The following TENM3 variants were observed in gnomAD, a reference collection of about 807,000 sequenced individuals.
The protein encoded by TENM3 is teneurin transmembrane protein 3.
In TENM3, 63 loss-of-function variants were observed where a neutral mutation model predicts 255.1. That is an observed-to-expected ratio of 0.25 (90% confidence interval 0.20 to 0.30). The LOEUF (loss-of-function observed/expected upper bound fraction) is 0.30, where lower values mean the gene tolerates loss of function less well. Ranked by LOEUF, TENM3 falls within the 10% of genes least tolerant of loss-of-function variation. The pLI, the probability that TENM3 is intolerant of heterozygous loss-of-function variation, is 1.00. For missense variants in TENM3, 2,929 were observed against 3,461.1 expected, an observed-to-expected ratio of 0.85 and a Z score of 3.86; for synonymous variants, 1,306 against 1,322.3, an observed-to-expected ratio of 0.99 and a Z score of 0.27.
chr4:182,300,933 G>A (rs1030239933), intron 1 of TENM3, among the ~76,000 whole-genome samples: 36 of 152,084 alleles, frequency 2.4e-4, no homozygotes, highest in African/African-American at 8.2e-4. Context: ...TCTTAGCCTG[G>A]CATTTCCAGC....
chr4:182,170,326 T>G (rs972126016), intron 1 of TENM3, among the ~76,000 whole-genome samples: 1 of 152,130 alleles, frequency 6.6e-6, no homozygotes, highest in Non-Finnish European at 1.5e-5. Context: ...GTAGTTATAT[T>G]TGTATAATAT....
At chr4:182,448,368 G>C (rs893767995) in intron 3 of TENM3, among the ~76,000 whole-genome samples, 3 of 152,156 alleles carry the variant, frequency 2.0e-5, no homozygotes, top group African/African-American at 7.2e-5. Flanking sequence ...TGGGGGCCCT[G>C]CGACCGACCC....
the TENM3 span, among the ~76,000 whole-genome samples, chr4:181,456,950 A>G: frequency 6.6e-6 from 1 of 151,834 alleles, no homozygotes; most frequent in Admixed American, 6.6e-5. Flanking sequence ...CTTTCACTGG[A>G]GTAATTTATT....
In TENM3 at chr4:182,652,662, G is replaced by A. The variant is rs576347927; in HGVS notation, c.989-1109G>A. Among the ~76,000 whole-genome samples the A allele has an allele frequency of 9.9e-5, 15 of 152,278 alleles. No homozygotes were observed. The South Asian group carries it at 2.7e-3, about 27-fold the overall frequency. On this transcript the variant is annotated intron_variant, in intron 5 of 27. Coordinates refer to ENST00000511685, the MANE Select transcript of TENM3 (RefSeq NM_001080477.4). ...CCATGTACTGTAGCAGGTCAGTGCC[G>A]TTACTTTATGTATTGGATCTGAAGG...
At chr4:182,502,567 ATTTTC>A (rs1736420973) in intron 3 of TENM3, among the ~76,000 whole-genome samples, 1 of 151,616 alleles carries the variant, frequency 6.6e-6, no homozygotes, top group South Asian at 2.1e-4. Flanking sequence ...TTTTTACTGA[ATTTTC>A]TTTTATTTTG....
the TENM3 span, among the ~76,000 whole-genome samples, chr4:181,784,730 C>T: frequency 6.6e-6 from 1 of 152,082 alleles, no homozygotes; most frequent in Admixed American, 6.6e-5. Flanking sequence ...TTATTTCAAA[C>T]CAAGGGACAG....
At chr4:182,043,262 T>A in the TENM3 span, among the ~76,000 whole-genome samples, 1 of 152,172 alleles carries the variant, frequency 6.6e-6, no homozygotes, top group Non-Finnish European at 1.5e-5. Context: ...GTATACAGGG[T>A]ATCTGTCTTC....
chr4:181,927,390 G>A, the TENM3 span, among the ~76,000 whole-genome samples: 2 of 152,136 alleles, frequency 1.3e-5, no homozygotes, highest in Non-Finnish European at 2.9e-5. Flanking sequence ...CCCTCACAGT[G>A]TAAATAAAGC....
In TENM3 at chr4:182,284,737, C is replaced by A. The variant is rs186344465; in HGVS notation, c.-75-39209C>A. On this transcript the variant is annotated intron_variant, in intron 1 of 27. Transcript: ENST00000511685. The stretch of plus-strand genomic sequence containing the variant: ...AGTGACCTTGTACTCTCAACATTGT[C>A]TTTACACTGAGTAGAACAGATGAGA... Among the ~76,000 whole-genome samples the A allele has an allele frequency of 5.9e-5, 9 of 152,252 alleles. No individual in the cohort carries two copies. In the East Asian group the frequency reaches 1.7e-3, roughly 29 times the overall value.
chr4:182,224,773 A>G lies in TENM3; in HGVS notation c.-76+80019A>G, dbSNP rs141065938. On this transcript the variant is annotated intron_variant, in intron 1 of 2. Coordinates refer to the TENM3 transcript ENST00000512480. ...TTTTTTTGAAGTGGAGTCTCGCTCTATCACCCTGGCTGGAGTGCAGTGGCA... is the reference window on the plus strand; with the variant it reads ...TTTTTTTGAAGTGGAGTCTCGCTCTGTCACCCTGGCTGGAGTGCAGTGGCA... Among the ~76,000 whole-genome samples the G allele has an allele frequency of 2.4e-3, 343 of 145,724 alleles. 1 individual carries two copies. The highest frequency in any genetic ancestry group is 3.5e-3 in the Non-Finnish European group (237 of 67,042).
chr4:182,215,676 A>G (rs932296781), intron 1 of TENM3, among the ~76,000 whole-genome samples: 8 of 152,204 alleles, frequency 5.3e-5, no homozygotes, highest in African/African-American at 1.9e-4. Context: ...CAAATGTGGC[A>G]ACAGGCTTTT....
Position 182,346,946 on chromosome 4 carries a change from G to A in TENM3, c.511+17G>A. On this transcript the variant is annotated intron_variant, in intron 3 of 27. Coordinates refer to ENST00000511685, the MANE Select transcript of TENM3 (RefSeq NM_001080477.4). Reference sequence around the variant, plus strand: ...GTGAGAATGGTAAGTTTCCTTTTTGGCTTTATAATGTTGGCATTCAGTGCT... The same window carrying A: ...GTGAGAATGGTAAGTTTCCTTTTTGACTTTATAATGTTGGCATTCAGTGCT... 6.4e-7 allele frequency: 1 copy of A among 1,551,642 alleles called. No individual in the cohort carries two copies. The highest frequency in any genetic ancestry group is 8.8e-7 in the Non-Finnish European group (1 of 1,142,678).
the TENM3 span, among the ~76,000 whole-genome samples, chr4:181,702,016 C>G: frequency 6.6e-6 from 1 of 152,144 alleles, no homozygotes. Context: ...TGCCATCCAC[C>G]CACCCCAGCA....
the TENM3 span, among the ~76,000 whole-genome samples, chr4:181,642,614 T>G: frequency 2.0e-5 from 3 of 152,224 alleles, no homozygotes; most frequent in Admixed American, 2.0e-4. Flanking sequence ...GTCTTACATT[T>G]AAGTCTTTAA....
intron 3 of TENM3, among the ~76,000 whole-genome samples, chr4:182,357,102 T>C (rs1407639216): frequency 1.3e-5 from 2 of 152,200 alleles, no homozygotes; most frequent in African/African-American, 4.8e-5. Flanking sequence ...CATATTTTCT[T>C]AATCCAGTCT....
intron 1 of TENM3, among the ~76,000 whole-genome samples, chr4:182,195,016 G>T (rs1753751414): frequency 7.5e-6 from 1 of 133,918 alleles, no homozygotes; most frequent in Non-Finnish European, 1.6e-5. Flanking sequence ...GACCAACACA[G>T]TCTCTATCAC....
intron 4 of TENM3, among the ~76,000 whole-genome samples, chr4:182,603,765 TTATATA>T (rs760690038): frequency 1.0e-5 from 1 of 95,504 alleles, no homozygotes; most frequent in African/African-American, 2.9e-5. Flanking sequence ...TGGCAATTAT[TTATATA>T]TATATATATA....
the TENM3 span, among the ~76,000 whole-genome samples, chr4:181,968,133 A>G: frequency 1.3e-5 from 2 of 152,078 alleles, no homozygotes; most frequent in African/African-American, 4.8e-5. Flanking sequence ...ATGCATGATG[A>G]TGGATGGAAG....
intron 1 of TENM3, among the ~76,000 whole-genome samples, chr4:182,195,086 T>C (rs1268319720): frequency 6.6e-6 from 1 of 150,592 alleles, no homozygotes; most frequent in African/African-American, 2.5e-5. Context: ...TTCAGAGGAC[T>C]TCTTTATAAT....
Sources: allele counts gnomAD v4.1 joint callset (sites outside exome capture counted in the v4.1 genomes callset), GRCh38; gene constraint gnomAD v4.1.1; transcripts MANE v1.5; gene names NCBI Gene and HGNC (gene_info 2026-07-23, HGNC 2026-07-21).